TBCEL: variants seen among roughly 807,000 people sequenced by gnomAD.
TBCEL encodes tubulin-specific chaperone cofactor E-like protein.
A neutral mutation model predicts 44.2 loss-of-function variants in TBCEL; 15 were observed. The ratio of observed to expected loss-of-function variants is 0.34; its 90% CI spans 0.23 to 0.52. TBCEL has a LOEUF of 0.52. Among genes scored for constraint, TBCEL ranks in the 20% least tolerant of loss-of-function variants. The pLI is 0.95. For missense variants in TBCEL, 319 were observed against 506.3 expected, an observed-to-expected ratio of 0.63 and a Z score of 3.55; for synonymous variants, 171 against 185.4, an observed-to-expected ratio of 0.92 and a Z score of 0.63.
intron 6 of TBCEL, among the ~76,000 whole-genome samples, chr11:121,057,801 G>A (rs1026446484): frequency 2.0e-5 from 3 of 150,208 alleles, no homozygotes; most frequent in Non-Finnish European, 3.0e-5. Flanking sequence ...GAGCATCTGC[G>A]GATTTTGGTA....
chr11:121,058,442 C>T lies in TBCEL; in HGVS notation c.810C>T (p.Thr270=), dbSNP rs35380371. Residue 270 remains threonine (T), a synonymous_variant, in exon 7 of 9, where the codon ACC becomes ACT. Transcript: ENST00000683345. ...TTCCTCTTCTGCAGCCATATACCAC[C>T]GAGGAGCGAAGGAAATTGGTAATAG... ...LGIPLLQPYT[T]EERRKLVIAR... is the part of the protein sequence containing the mutation. The T allele has an allele frequency of 7.4e-4, 1,185 of 1,611,672 alleles. No homozygotes were observed. Among genetic ancestry groups the T allele is most frequent in the Non-Finnish European group, 9.3e-4 (1,100 of 1,178,250 alleles).
At chr11:121,029,699 C>T (rs1441292895) in intron 1 of TBCEL, among the ~76,000 whole-genome samples, 3 of 152,108 alleles carry the variant, frequency 2.0e-5, no homozygotes, top group Admixed American at 6.5e-5. Context: ...GAATGTGATC[C>T]ATAACAAGTA....
intron 7 of TBCEL, among the ~76,000 whole-genome samples, chr11:121,059,482 G>A (rs957436445): frequency 6.6e-6 from 1 of 151,666 alleles, no homozygotes; most frequent in African/African-American, 2.4e-5. Context: ...TGTGCTATAA[G>A]GGTAAAATAA....
chr11:121,059,839 A>T (rs1172246289), intron 7 of TBCEL, 130 bp from the exon 8 acceptor site: 1 of 658,586 alleles, frequency 1.5e-6, no homozygotes, highest in Non-Finnish European at 2.5e-6. Context: ...CAGTAGTTGT[A>T]TACAAATGGA....
rs1945453805 is a variant in TBCEL at position 121,047,672 on chromosome 11, A to C, written c.273+5A>C. On this transcript the variant is annotated splice_donor_5th_base_variant and intron_variant, in intron 4 of 8. Coordinates refer to ENST00000683345, the MANE Select transcript of TBCEL (RefSeq NM_001363644.2). ...AAACTCGAAGACTGGCATGAGGTGA[A>C]GTTTTTATATTGCTACATTTTAGTG... 2.5e-6 allele frequency: 4 copies of C among 1,612,034 alleles called. No homozygotes were observed. Among genetic ancestry groups the C allele is most frequent in the Non-Finnish European group, 2.5e-6 (3 of 1,178,812 alleles).
intron 8 of TBCEL, among the ~76,000 whole-genome samples, chr11:121,076,639 T>C (rs1345782757): frequency 1.3e-5 from 2 of 152,122 alleles, no homozygotes; most frequent in Non-Finnish European, 2.9e-5. Flanking sequence ...CAGTATGACT[T>C]TTTACATTTT....
chr11:121,056,576 G>A (rs1273188992), intron 6 of TBCEL, among the ~76,000 whole-genome samples: 2 of 151,792 alleles, frequency 1.3e-5, no homozygotes, highest in Non-Finnish European at 2.9e-5. Flanking sequence ...CTTCCAAAGT[G>A]GCTGTATCAT....
At chr11:121,084,741 T>A (rs761092049) in intron 8 of TBCEL, among the ~76,000 whole-genome samples, 1 of 152,160 alleles carries the variant, frequency 6.6e-6, no homozygotes, top group Non-Finnish European at 1.5e-5. Context: ...CAGTTCTTAT[T>A]TGACCACTGG....
At chr11:121,065,480 A>G (rs1033042659) in intron 8 of TBCEL, among the ~76,000 whole-genome samples, 3 of 152,182 alleles carry the variant, frequency 2.0e-5, no homozygotes, top group African/African-American at 7.2e-5. Context: ...TGCAACATAT[A>G]TGTAATAGTC....
chr11:121,029,733 C>T (rs2134875436), intron 1 of TBCEL, among the ~76,000 whole-genome samples: 1 of 152,256 alleles, frequency 6.6e-6, no homozygotes, highest in African/African-American at 2.4e-5. Context: ...TTATTTAAAA[C>T]TGTTCTTGGA....
intron 8 of TBCEL, among the ~76,000 whole-genome samples, chr11:121,082,948 A>C (rs1178512268): frequency 6.6e-6 from 1 of 152,162 alleles, no homozygotes; most frequent in Non-Finnish European, 1.5e-5. Flanking sequence ...GACTGCTTGA[A>C]CTGTGTGATC....
At chr11:121,056,169 A>C (rs974921511) in intron 6 of TBCEL, among the ~76,000 whole-genome samples, 1 of 151,754 alleles carries the variant, frequency 6.6e-6, no homozygotes, top group South Asian at 2.1e-4. Context: ...GCAACCACTC[A>C]TCTTTTTACT....
chr11:121,047,471 A>T, intron 3 of TBCEL, 57 bp from the exon 4 acceptor site: 1 of 1,600,138 alleles, frequency 6.2e-7, no homozygotes, highest in Non-Finnish European at 8.5e-7. Context: ...GGGGCTGAAC[A>T]TATGTAGACA....
intron 8 of TBCEL, among the ~76,000 whole-genome samples, chr11:121,072,458 A>G (rs1945952842): frequency 6.6e-6 from 1 of 152,202 alleles, no homozygotes; most frequent in Admixed American, 6.5e-5. Context: ...TTTTCATTAA[A>G]AAGAAATAAT....
intron 4 of TBCEL, among the ~76,000 whole-genome samples, chr11:121,048,344 C>T (rs1435763534): frequency 6.6e-6 from 1 of 151,872 alleles, no homozygotes; most frequent in Non-Finnish European, 1.5e-5. Context: ...GTCTTGACCT[C>T]AGAGTAACTA....
chr11:121,047,510 G>A lies in TBCEL; in HGVS notation c.134-18G>A, dbSNP rs771115883. 23 of 1,609,580 alleles carry A rather than the reference G, an allele frequency of 1.4e-5. No individual in the cohort carries two copies. The highest frequency in any genetic ancestry group is 2.2e-5 in the East Asian group (1 of 44,790). On this transcript the variant is annotated intron_variant, in intron 3 of 8. Transcript: ENST00000683345. ...ATTTGGCTGATATAGAAAACATTTT[G>A]TGTCTCTCATCATTCAGATCGCCTC... is the stretch of plus-strand genomic sequence containing the variant.
At chr11:121,080,988 T>C (rs959489879) in intron 8 of TBCEL, among the ~76,000 whole-genome samples, 4 of 152,210 alleles carry the variant, frequency 2.6e-5, no homozygotes, top group African/African-American at 9.6e-5. Context: ...GGTGGCTTCA[T>C]TCTCTGTTCC....
rs1946276860 is a variant in TBCEL at position 121,090,705 on chromosome 11, T to C, written c.*3609T>C. 1 of 150,230 alleles carries C rather than the reference T, an allele frequency of 6.7e-6. No homozygotes were observed. The highest frequency in any genetic ancestry group is 2.4e-5 in the African/African-American group (1 of 41,104). The allele number at this position is 150,230 out of a possible 1,614,324, so 9.3% of individuals were successfully genotyped here. A position where few individuals can be genotyped will look rare whatever the true frequency, so the allele number is the denominator to read the frequency against. The stretch of plus-strand genomic sequence containing the variant: ...TTAGAATATAATTTAAACATGAAGG[T>C]CTATTCTTTGCACTTTTTATTAATA... On this transcript the variant is annotated 3_prime_UTR_variant, in exon 9 of 9. Transcript: ENST00000683345.
intron 8 of TBCEL, among the ~76,000 whole-genome samples, chr11:121,075,857 G>C (rs1763644501): frequency 6.6e-6 from 1 of 151,962 alleles, no homozygotes; most frequent in African/African-American, 2.4e-5. Context: ...ATATGGTACA[G>C]TTCATTTTCC....
Sources: allele counts gnomAD v4.1 joint callset (sites outside exome capture counted in the v4.1 genomes callset), GRCh38; gene constraint gnomAD v4.1.1; transcripts MANE v1.5; gene names NCBI Gene and HGNC (gene_info 2026-07-23, HGNC 2026-07-21).